Variants in VPS13A observed in about 807,000 individuals in gnomAD.
VPS13A encodes intermembrane lipid transfer protein VPS13A.
A neutral mutation model predicts 390.9 loss-of-function variants in VPS13A; 264 were observed. That is an observed-to-expected ratio of 0.68 (90% CI 0.61 to 0.75). The LOEUF is 0.75. Ranked by LOEUF, VPS13A falls within the 30% of genes least tolerant of loss-of-function variation. VPS13A has a pLI of 0.00. For missense variants in VPS13A, 3,409 were observed against 3,733.9 expected (o/e 0.91, Z 2.27); for synonymous variants, 1,231 against 1,227.1 (o/e 1.00, Z -0.07).
intron 22 of VPS13A, among the ~76,000 whole-genome samples, chr9:77,253,936 C>CTTTTTTTTTT (rs1172781069): frequency 1.8e-5 from 1 of 55,068 alleles, no homozygotes; most frequent in African/African-American, 6.9e-5. Context: ...GGCCTTTATT[C>CTTTTTTTTTT]TTTTTTTTTT....
intron 57 of VPS13A, among the ~76,000 whole-genome samples, chr9:77,358,705 C>T (rs1478004841): frequency 1.3e-5 from 2 of 152,120 alleles, no homozygotes; most frequent in Non-Finnish European, 2.9e-5. Flanking sequence ...TGTAAACCTG[C>T]GATTTAAAAA....
chr9:77,328,818 G>T (rs752542012), intron 45 of VPS13A, among the ~76,000 whole-genome samples: 11 of 152,166 alleles, frequency 7.2e-5, no homozygotes, highest in Non-Finnish European at 1.5e-4. Flanking sequence ...CCTGTATTAG[G>T]CCGTTTTCAT....
intron 68 of VPS13A, among the ~76,000 whole-genome samples, chr9:77,396,565 A>C: frequency 6.6e-6 from 1 of 152,216 alleles, no homozygotes; most frequent in Non-Finnish European, 1.5e-5. Flanking sequence ...GTTTTGAGGT[A>C]ATAAATTTCT....
chr9:77,280,175 A>C lies in VPS13A; in HGVS notation c.2841A>C (p.Pro947=). 6.2e-7 allele frequency: 1 copy of C among 1,610,624 alleles called. No individual in the cohort carries two copies. The highest frequency in any genetic ancestry group is 8.5e-7 in the Non-Finnish European group (1 of 1,178,428). ...TATTTTTAGATGAAAACAAGAAACC[A>C]GTTTATTTGGTTACAACCCTGGATA... is the stretch of plus-strand genomic sequence containing the variant. ...CPEYLDENKK[P]VYLVTTLDNT... is the part of the protein sequence containing the mutation. The change falls in exon 27 of 72, where the codon CCA becomes CCC. Residue 947 remains proline, a synonymous_variant. Transcript: ENST00000360280.
intron 58 of VPS13A, among the ~76,000 whole-genome samples, chr9:77,359,747 G>T (rs1832035780): frequency 6.6e-6 from 1 of 151,360 alleles, no homozygotes; most frequent in Admixed American, 6.6e-5. Context: ...GAACCCAGGA[G>T]GCAGAGCTTG....
chr9:77,341,526 T>G (rs942481102), intron 50 of VPS13A, among the ~76,000 whole-genome samples: 1 of 151,988 alleles, frequency 6.6e-6, no homozygotes, highest in African/African-American at 2.4e-5. Context: ...TACTATTGTT[T>G]CTTTAAATAT....
At chr9:77,237,977 CT>C in intron 17 of VPS13A, 24 bp from the exon 18 acceptor site, 1 of 1,538,480 alleles carries the variant, frequency 6.5e-7, no homozygotes, top group South Asian at 1.2e-5. Flanking sequence ...TGATCGCTGA[CT>C]TTTTTCTTTT....
In VPS13A at chr9:77,239,067, AT is replaced by A. The variant is rs560423691; in HGVS notation, c.1900+691del. Among the ~76,000 whole-genome samples, 935 of 149,380 alleles carry A rather than the reference AT, an allele frequency of 6.3e-3. 9 individuals carry two copies. Among genetic ancestry groups the A allele is most frequent in the Middle Eastern group, 0.021 (6 of 288 alleles). On this transcript the variant is annotated intron_variant, in intron 19 of 71. Coordinates refer to ENST00000360280, the MANE Select transcript of VPS13A (RefSeq NM_033305.3). Reference sequence around the variant, plus strand: ...TTCAAATTTTTTGTATCCTTACTGGATTTTTTTTTTCCCCTTTTGTCACCTT... The same window carrying A: ...TTCAAATTTTTTGTATCCTTACTGGATTTTTTTTTCCCCTTTTGTCACCTT...
intron 1 of VPS13A, among the ~76,000 whole-genome samples, chr9:77,195,700 G>A (rs573443650): frequency 1.6e-4 from 24 of 152,196 alleles, no homozygotes; most frequent in Middle Eastern, 6.8e-3. Context: ...TCGTGCCACT[G>A]CGCTCCAGCC....
chr9:77,407,759 C>T lies in VPS13A; in HGVS notation c.9474+152C>T, dbSNP rs62571470. On this transcript the variant is annotated intron_variant, in intron 71 of 71. Coordinates refer to ENST00000360280, the MANE Select transcript of VPS13A (RefSeq NM_033305.3). ...GGCAGGTTTTAAAAGTATATGTAAC[C>T]AGATAATATTTACCCCAGACTTTTT... The T allele has an allele frequency of 0.29, 183,139 of 640,000 alleles. 27,501 individuals carry two copies. Among genetic ancestry groups the T allele is most frequent in the Middle Eastern group, 0.35 (814 of 2,324 alleles). The allele number at this position is 640,000 out of a possible 1,614,324, so 39.6% of individuals were successfully genotyped here.
Position 77,322,581 on chromosome 9 carries a change from T to A in VPS13A, c.5831-486T>A, listed in dbSNP as rs565716274. Among the ~76,000 whole-genome samples the A allele has an allele frequency of 1.6e-3, 247 of 152,042 alleles. 1 individual carries two copies. Among genetic ancestry groups the A allele is most frequent in the Non-Finnish European group, 2.9e-3 (195 of 67,882 alleles). On this transcript the variant is annotated intron_variant, in intron 44 of 71. Coordinates refer to ENST00000360280, the MANE Select transcript of VPS13A (RefSeq NM_033305.3). ...TTATGGATGGGATGGTAAATGAAAT[T>A]TATGCAAGTAAGTAATTTTATCCCC...
rs1228241332 is a variant in VPS13A at position 77,339,552 on chromosome 9, C to T, written c.6415C>T (p.His2139Tyr). The T allele has an allele frequency of 6.4e-7, 1 of 1,564,606 alleles. No homozygotes were observed. The highest frequency in any genetic ancestry group is 1.4e-5 in the African/African-American group (1 of 72,686). Residue 2139 changes from histidine to tyrosine, a missense_variant, in exon 48 of 72, where the codon CAT becomes TAT. By Grantham distance (83) the His-to-Tyr change is moderately conservative. This residue lies in a region of VPS13A where 2,717 missense variants were observed against 2,917.4 expected (regional missense o/e 0.93). Coordinates refer to ENST00000360280, the MANE Select transcript of VPS13A (RefSeq NM_033305.3). ...ENSVFTLSEGHSAQICTAQLG... is the reference protein window; with the variant it reads ...ENSVFTLSEGYSAQICTAQLG... ...TTCGGTTTTTACTCTAAGTGAAGGA[C>T]ATTCAGCCCAGATTTGTACTGCACA... is the stretch of plus-strand genomic sequence containing the variant.
rs1829916019 is a variant in VPS13A, at chr9:77,324,722, G to C, written c.5991+1495G>C. Among the ~76,000 whole-genome samples, 2 of 152,080 alleles carry C rather than the reference G, an allele frequency of 1.3e-5. 1 individual carries two copies. The highest frequency in any genetic ancestry group is 4.1e-4 in the South Asian group (2 of 4,826). Reference sequence around the variant, plus strand: ...TTTCTTGAATCTTGCTCTGTGTCCAGGCTGGAGGGCAGTGGTGCCATCATG... The same window carrying C: ...TTTCTTGAATCTTGCTCTGTGTCCACGCTGGAGGGCAGTGGTGCCATCATG... On this transcript the variant is annotated intron_variant, in intron 45 of 71. Transcript: ENST00000360280.
At chr9:77,202,082 A>G (rs1825364671) in intron 3 of VPS13A, among the ~76,000 whole-genome samples, 1 of 152,150 alleles carries the variant, frequency 6.6e-6, no homozygotes, top group Non-Finnish European at 1.5e-5. Context: ...TAGGATGTAT[A>G]CATTGTTATT....
chr9:77,365,438 A>G, intron 59 of VPS13A, 22 bp from the exon 60 acceptor site: 1 of 1,512,066 alleles, frequency 6.6e-7, no homozygotes, highest in Middle Eastern at 1.8e-4. Flanking sequence ...TTTAGTTTTA[A>G]TATTTTGTGT....
rs1823632458 is a variant in VPS13A at position 77,228,229 on chromosome 9, C to A, written c.1560C>A (p.Thr520=). ...ATATTGTAATAGAAGAATTTAGCACCTTAATTGTGCAAAGACCAGGAGCAC... is the reference window on the plus strand; with the variant it reads ...ATATTGTAATAGAAGAATTTAGCACATTAATTGTGCAAAGACCAGGAGCAC... ...LVDIVIEEFS[T]LIVQRPGAQA... Residue 520 remains threonine (T), a synonymous_variant, in exon 17 of 72, where the codon ACC becomes ACA. Transcript: ENST00000360280. 3 of 1,601,492 alleles carry A rather than the reference C, an allele frequency of 1.9e-6. No homozygotes were observed. The highest frequency in any genetic ancestry group is 2.3e-5 in the East Asian group (1 of 44,434).
intron 44 of VPS13A, 57 bp downstream of exon 44, chr9:77,321,803 A>G (rs1313722334): frequency 1.3e-5 from 21 of 1,585,160 alleles, no homozygotes; most frequent in African/African-American, 4.1e-5. Context: ...TACAATTTAC[A>G]TGTTATTTTA....
At chr9:77,304,012 G>C (rs545662901) in intron 34 of VPS13A, among the ~76,000 whole-genome samples, 1 of 145,244 alleles carries the variant, frequency 6.9e-6, no homozygotes, top group Non-Finnish European at 1.5e-5. Flanking sequence ...TACGAGTGTC[G>C]GACTGGGGGA....
At chr9:77,336,753 A>G (rs567103833) in intron 46 of VPS13A, among the ~76,000 whole-genome samples, 4 of 152,106 alleles carry the variant, frequency 2.6e-5, no homozygotes, top group African/African-American at 7.2e-5. Context: ...TTAAAAGTCA[A>G]ACAACTTGAT....
Sources: allele counts gnomAD v4.1 joint callset (sites outside exome capture counted in the v4.1 genomes callset), GRCh38; gene constraint gnomAD v4.1.1; regional missense constraint gnomAD v4.1.1; transcripts MANE v1.5; gene names NCBI Gene and HGNC (gene_info 2026-07-23, HGNC 2026-07-21).